The following STARD13 variants were observed in gnomAD, a reference collection of about 807,000 sequenced individuals.
STARD13 encodes the protein StAR related lipid transfer domain containing 13, also known as stAR-related lipid transfer protein 13.
STARD13 carries 62 observed loss-of-function variants against 106.4 expected under a neutral mutation model. The ratio of observed to expected loss-of-function variants is 0.58; its 90% CI spans 0.48 to 0.72. STARD13 has a LOEUF of 0.72. Ranked by LOEUF, STARD13 falls within the 30% of genes least tolerant of loss-of-function variation. The probability of loss-of-function intolerance (pLI) is 0.00; values close to 1 mark genes in which losing one functional copy is unlikely to be tolerated. For synonymous variants in STARD13, 565 were observed against 553.0 expected (o/e 1.02, Z -0.31); for missense variants, 1,387 against 1,424.0 (o/e 0.97, Z 0.42).
the STARD13 span, among the ~76,000 whole-genome samples, chr13:33,500,000 C>T: frequency 1.3e-5 from 2 of 151,856 alleles, no homozygotes; most frequent in African/African-American, 4.8e-5. Flanking sequence ...GCAATCCTCC[C>T]ACCTTGGCCT....
At chr13:33,179,386 C>T (rs774824083) in intron 1 of STARD13, among the ~76,000 whole-genome samples, 5 of 152,088 alleles carry the variant, frequency 3.3e-5, no homozygotes, top group East Asian at 3.9e-4. Flanking sequence ...AGAGGGTTGC[C>T]GTAAAGATTA....
chr13:33,465,492 G>A, the STARD13 span, among the ~76,000 whole-genome samples: 2 of 152,030 alleles, frequency 1.3e-5, no homozygotes, highest in African/African-American at 4.8e-5. Flanking sequence ...GTGAGCCACC[G>A]TGCCCAGCTG....
At chr13:33,601,768 G>T in the STARD13 span, among the ~76,000 whole-genome samples, 26 of 152,064 alleles carry the variant, frequency 1.7e-4, no homozygotes, top group South Asian at 4.8e-3. Context: ...CTTTCACCAT[G>T]TTCCGGAGAT....
chr13:33,138,403 T>C (rs73463913), intron 4 of STARD13: 2,468 of 139,052 alleles, frequency 0.018, 82 homozygotes, highest in African/African-American at 0.062. Flanking sequence ...GAGTCTCCAC[T>C]GTTTGGCTTT....
chr13:33,249,631 AGT>A (rs1889996402), intron 1 of STARD13, among the ~76,000 whole-genome samples: 1 of 152,192 alleles, frequency 6.6e-6, no homozygotes, highest in East Asian at 1.9e-4. Context: ...AGCCTCAGAG[AGT>A]GTTAAATAAC....
intron 1 of STARD13, among the ~76,000 whole-genome samples, chr13:33,263,450 G>C (rs1216479724): frequency 6.6e-6 from 1 of 152,130 alleles, no homozygotes; most frequent in Admixed American, 6.5e-5. Context: ...TGAAATGAGA[G>C]AACTTTTGGT....
chr13:33,620,760 T>C, the STARD13 span, among the ~76,000 whole-genome samples: 1 of 150,548 alleles, frequency 6.6e-6, no homozygotes, highest in African/African-American at 2.4e-5. Flanking sequence ...AACAGCTATA[T>C]GTTATATAAC....
chr13:33,323,001 G>GT (rs1250449944), intron 1 of STARD13, among the ~76,000 whole-genome samples: 1 of 152,168 alleles, frequency 6.6e-6, no homozygotes, highest in African/African-American at 2.4e-5. Context: ...AGAGACATAG[G>GT]TAAGAACTGT....
chr13:33,614,759 G>A, the STARD13 span, among the ~76,000 whole-genome samples: 7 of 152,312 alleles, frequency 4.6e-5, no homozygotes, highest in African/African-American at 1.7e-4. Context: ...CAAACAGCAA[G>A]GCCAGCAAGC....
At chr13:33,636,503 A>G in the STARD13 span, among the ~76,000 whole-genome samples, 1 of 152,190 alleles carries the variant, frequency 6.6e-6, no homozygotes, top group Admixed American at 6.5e-5. Flanking sequence ...GGACTCTCCC[A>G]GGAACACTGG....
chr13:33,169,327 T>C (rs1415126738), intron 1 of STARD13, among the ~76,000 whole-genome samples: 1 of 152,226 alleles, frequency 6.6e-6, no homozygotes, highest in East Asian at 1.9e-4. Flanking sequence ...TAGTACCCAG[T>C]TGAGAGTCTG....
At chr13:33,196,581 G>T (rs1289057770) in intron 1 of STARD13, among the ~76,000 whole-genome samples, 2 of 152,130 alleles carry the variant, frequency 1.3e-5, no homozygotes, top group African/African-American at 4.8e-5. Flanking sequence ...CTTGCTTTCA[G>T]TACTGCCCTA....
chr13:33,326,694 C>T (rs2077779195), intron 1 of STARD13, among the ~76,000 whole-genome samples: 1 of 152,172 alleles, frequency 6.6e-6, no homozygotes, highest in Non-Finnish European at 1.5e-5. Context: ...AAAAACACCT[C>T]AAAGTGATTC....
At chr13:33,620,535 G>A in the STARD13 span, among the ~76,000 whole-genome samples, 10 of 151,770 alleles carry the variant, frequency 6.6e-5, no homozygotes, top group African/African-American at 9.7e-5. Context: ...CACCCACCTC[G>A]GCCTCTGAAA....
At chr13:33,163,252 A>G (rs1439275925) in intron 3 of STARD13, among the ~76,000 whole-genome samples, 10 of 152,000 alleles carry the variant, frequency 6.6e-5, no homozygotes, top group African/African-American at 2.2e-4. Flanking sequence ...ACAATTCAAG[A>G]TAAGATTTGG....
intron 1 of STARD13, among the ~76,000 whole-genome samples, chr13:33,210,217 T>G (rs1174847700): frequency 6.6e-6 from 1 of 152,182 alleles, no homozygotes; most frequent in Non-Finnish European, 1.5e-5. Flanking sequence ...GAAGCAGAAC[T>G]TACTGCACAT....
chr13:33,110,226 G>T (rs1874335036), intron 11 of STARD13, 136 bp from the exon 12 acceptor site: 5 of 693,130 alleles, frequency 7.2e-6, no homozygotes, highest in South Asian at 1.8e-5. Flanking sequence ...AATTGAGAGT[G>T]ATACTACATA....
chr13:33,382,732 A>G, the STARD13 span, among the ~76,000 whole-genome samples: 1 of 152,210 alleles, frequency 6.6e-6, no homozygotes, highest in African/African-American at 2.4e-5. Flanking sequence ...CAAATAGGCT[A>G]TCTTATGTTT....
chr13:33,379,405 T>C, the STARD13 span, among the ~76,000 whole-genome samples: 5 of 152,204 alleles, frequency 3.3e-5, no homozygotes, highest in Non-Finnish European at 5.9e-5. Flanking sequence ...GGGGTTTTAA[T>C]TGGAAGGATT....
Sources: allele counts gnomAD v4.1 joint callset (sites outside exome capture counted in the v4.1 genomes callset), GRCh38; gene constraint gnomAD v4.1.1; transcripts MANE v1.5; gene names NCBI Gene and HGNC (gene_info 2026-07-23, HGNC 2026-07-21).